Variants in SMARCAD1 observed in about 807,000 individuals in gnomAD.
SMARCAD1 encodes the protein SWI/SNF-related matrix-associated actin-dependent regulator of chromatin subfamily A containing DEAD/H box 1.
SMARCAD1 carries 25 observed loss-of-function variants against 127.1 expected under a neutral mutation model. The observed-to-expected ratio is 0.20, with a 90% confidence interval of 0.14 to 0.27. SMARCAD1 has a LOEUF of 0.27. SMARCAD1 is among the 10% of genes least tolerant of loss of function. SMARCAD1 has a pLI of 1.00. For missense variants in SMARCAD1, 807 were observed against 1,206.0 expected, an observed-to-expected ratio of 0.67 and a Z score of 4.90; for synonymous variants, 400 against 396.9, an observed-to-expected ratio of 1.01 and a Z score of -0.09.
intron 2 of SMARCAD1, among the ~76,000 whole-genome samples, chr4:94,224,593 T>C (rs1171396555): frequency 8.9e-6 from 1 of 111,920 alleles, no homozygotes; most frequent in Admixed American, 8.7e-5. Flanking sequence ...TTTAGAACAT[T>C]TTTTATTTTG....
intron 16 of SMARCAD1, 137 bp from the exon 17 acceptor site, chr4:94,278,285 C>A: frequency 1.4e-6 from 1 of 739,596 alleles, no homozygotes; most frequent in Non-Finnish European, 2.3e-6. Context: ...ATGTGAAGTG[C>A]CATCTAGAAT....
intron 10 of SMARCAD1, among the ~76,000 whole-genome samples, chr4:94,269,493 G>GTT (rs75891233): frequency 1.8e-4 from 25 of 139,190 alleles, no homozygotes; most frequent in Non-Finnish European, 2.4e-4. Context: ...GGCAAATTAA[G>GTT]TTTTTTTTTT....
At chr4:94,277,815 A>G (rs1386152036) in intron 16 of SMARCAD1, among the ~76,000 whole-genome samples, 3 of 152,182 alleles carry the variant, frequency 2.0e-5, no homozygotes, top group Non-Finnish European at 4.4e-5. Context: ...AACATTTACT[A>G]ATTTGAATTC....
At chr4:94,278,866 T>C in intron 18 of SMARCAD1, 63 bp from the exon 19 acceptor site, 1 of 1,606,956 alleles carries the variant, frequency 6.2e-7, no homozygotes, top group Non-Finnish European at 8.5e-7. Flanking sequence ...TAAAACTTAG[T>C]TGATATATTT....
At chr4:94,240,758 TCAG>T (rs1474229063) in intron 5 of SMARCAD1, 145 bp from the exon 6 acceptor site, 5 of 641,092 alleles carry the variant, frequency 7.8e-6, no homozygotes, top group Admixed American at 5.3e-5. Flanking sequence ...TTTTTTCAAT[TCAG>T]TCATATGTAG....
chr4:94,277,899 T>TA (rs1257003470), intron 16 of SMARCAD1, among the ~76,000 whole-genome samples: 1 of 152,216 alleles, frequency 6.6e-6, no homozygotes, highest in African/African-American at 2.4e-5. Flanking sequence ...CAGTTCATAA[T>TA]ATATGGAGGA....
At position 94,270,908 on chromosome 4, in the gene SMARCAD1, T is replaced by C. The variant is rs900955452; in HGVS notation, c.1572+90T>C. On this transcript the variant is annotated intron_variant, in intron 11 of 23. Coordinates refer to ENST00000354268, the MANE Select transcript of SMARCAD1 (RefSeq NM_020159.5). ...TTTAAAACATGAAACTTTTTTTTGC[T>C]ACTGTAGTTAACTACTGCCACCTCA... 2.0e-5 allele frequency: 23 copies of C among 1,177,584 alleles called. No homozygotes were observed. In the South Asian group the frequency reaches 2.1e-4, roughly 11 times the overall value. 72.9% of individuals were successfully genotyped at this position (1,177,584 alleles called of 1,614,324 possible).
chr4:94,249,336 CA>C (rs1223758836), intron 6 of SMARCAD1, among the ~76,000 whole-genome samples: 13 of 152,052 alleles, frequency 8.5e-5, no homozygotes, highest in African/African-American at 3.1e-4. Flanking sequence ...GAGAAGGCAT[CA>C]GTATACTTGA....
rs1386227935 is a variant in SMARCAD1 at position 94,290,362 on chromosome 4, C to G, written c.*828C>G. ...ACTTCTGCTCCAATTCTCTTCCTCT[C>G]TAAATAGTAGTTTATTACTGCCACA... On this transcript the variant is annotated 3_prime_UTR_variant, in exon 24 of 24. Coordinates refer to ENST00000354268, the MANE Select transcript of SMARCAD1 (RefSeq NM_020159.5). 1 of 454,478 alleles carries G rather than the reference C, an allele frequency of 2.2e-6. No individual in the cohort carries two copies. Among genetic ancestry groups the G allele is most frequent in the East Asian group, 6.9e-5 (1 of 14,398 alleles). 28.2% of individuals were successfully genotyped at this position (454,478 alleles called of 1,614,324 possible). A position where few individuals can be genotyped will look rare whatever the true frequency, so the allele number is the denominator to read the frequency against.
rs188837559 is a variant in SMARCAD1 at position 94,251,946 on chromosome 4, G to A, written c.890-670G>A. 3.9e-5 allele frequency among the ~76,000 whole-genome samples: 6 copies of A among 152,262 alleles called. No individual in the cohort carries two copies. In the East Asian group the frequency reaches 1.2e-3, roughly 29 times the overall value. ...GGCTAACTGCAACCTCCACCTCCCAGGTTCAAGCGATTCTCCTGCCTCAGC... is the reference window on the plus strand; with the variant it reads ...GGCTAACTGCAACCTCCACCTCCCAAGTTCAAGCGATTCTCCTGCCTCAGC... On this transcript the variant is annotated intron_variant, in intron 8 of 23. Coordinates refer to ENST00000354268, the MANE Select transcript of SMARCAD1 (RefSeq NM_020159.5).
chr4:94,279,047 A>C lies in SMARCAD1; in HGVS notation c.2415A>C (p.Leu805=). The C allele has an allele frequency of 6.2e-7, 1 of 1,614,150 alleles. No individual in the cohort carries two copies. The highest frequency in any genetic ancestry group is 8.5e-7 in the Non-Finnish European group (1 of 1,180,004). The change falls in exon 19 of 24, where the codon CTA becomes CTC. Residue 805 remains leucine (L), a synonymous_variant. Coordinates refer to ENST00000354268, the MANE Select transcript of SMARCAD1 (RefSeq NM_020159.5). ...TCAAGGAAATGTCTCAGCTTATGCT[A>C]AAGGTAAGGATTTCATATTATGTTA... is the stretch of plus-strand genomic sequence containing the variant. ...EKLKEMSQLM[L]KEPTHCEANP... is the part of the protein sequence containing the mutation.
chr4:94,270,209 G>T (rs1752353959), intron 10 of SMARCAD1, among the ~76,000 whole-genome samples: 1 of 151,890 alleles, frequency 6.6e-6, no homozygotes, highest in Non-Finnish European at 1.5e-5. Context: ...TACGTAGTAT[G>T]CACATAATAC....
Position 94,273,666 on chromosome 4 carries a change from A to G in SMARCAD1, c.1622A>G (p.Gln541Arg). Residue 541 changes from glutamine (Q) to arginine (R), a missense_variant, in exon 12 of 24, where the codon CAG becomes CGG. Physicochemically the swap from Gln to Arg is conservative, Grantham distance 43. Around this residue, in one of 8 missense-constraint regions of SMARCAD1, gnomAD observed 148 missense variants for 313.2 expected, o/e 0.47. Transcript: ENST00000354268. ...ATTGCATTTCTGGCATACCTCTATC[A>G]GGAGGGTAATAATGGTCCTCATTTG... The part of the protein sequence containing the change: ...QAIAFLAYLY[Q>R]EGNNGPHLIV... 6.2e-7 allele frequency: 1 copy of G among 1,613,916 alleles called. No individual in the cohort carries two copies.
chr4:94,284,050 G>A lies in SMARCAD1; in HGVS notation c.2909+747G>A, dbSNP rs538271292. On this transcript the variant is annotated intron_variant, in intron 22 of 23. Coordinates refer to ENST00000354268, the MANE Select transcript of SMARCAD1 (RefSeq NM_020159.5). ...TAAAGAGGTGAAGATAGCCGGGCAC[G>A]GTGGCTCACACCTGTAATCCTAGCA... 1.4e-4 allele frequency among the ~76,000 whole-genome samples: 21 copies of A among 151,768 alleles called. No individual in the cohort carries two copies. In the South Asian group the frequency reaches 3.1e-3, roughly 23 times the overall value.
chr4:94,277,402 C>T (rs577365839), intron 16 of SMARCAD1, among the ~76,000 whole-genome samples: 6 of 152,186 alleles, frequency 3.9e-5, no homozygotes, highest in East Asian at 1.9e-4. Context: ...TGAAGGATGA[C>T]GATTTTAAAT....
At chr4:94,212,481 A>G (rs990597055) in intron 2 of SMARCAD1, among the ~76,000 whole-genome samples, 5 of 149,882 alleles carry the variant, frequency 3.3e-5, no homozygotes, top group South Asian at 2.1e-4. Flanking sequence ...AGCCCTATAC[A>G]TATTTATTTA....
At chr4:94,237,125 T>C (rs1746786790) in intron 5 of SMARCAD1, 107 bp downstream of exon 5, 2 of 939,244 alleles carry the variant, frequency 2.1e-6, no homozygotes, top group Admixed American at 3.6e-5. Flanking sequence ...TTATGAATTC[T>C]TACAGGAATT....
chr4:94,212,809 G>A (rs181754684), intron 2 of SMARCAD1, among the ~76,000 whole-genome samples: 1 of 152,014 alleles, frequency 6.6e-6, no homozygotes, highest in Admixed American at 6.6e-5. Flanking sequence ...CCTTAAAATA[G>A]TCCCTTTAGC....
At chr4:94,279,923 G>A (rs13108619) in intron 19 of SMARCAD1, among the ~76,000 whole-genome samples, 57,258 of 151,294 alleles carry the variant, frequency 0.38, 11,780 homozygotes, top group East Asian at 0.71. Flanking sequence ...GGAGTGCGAT[G>A]GCATGATCTC....
Sources: gnomAD v4.1 joint callset for allele counts (sites outside exome capture counted in the v4.1 genomes callset) on GRCh38, gnomAD v4.1.1 for gene constraint, gnomAD v4.1.1 regional missense constraint, MANE v1.5 for transcripts, NCBI Gene and HGNC (gene_info 2026-07-23, HGNC 2026-07-21) for gene names.